GUCY1A2: variants seen among roughly 807,000 people sequenced by gnomAD.
GUCY1A2 encodes guanylate cyclase 1 soluble subunit alpha 2.
A neutral mutation model predicts 63.5 loss-of-function variants in GUCY1A2; 27 were observed. The ratio of observed to expected loss-of-function variants is 0.43; its 90% confidence interval spans 0.31 to 0.59. GUCY1A2 has a LOEUF of 0.59. GUCY1A2 is among the 20% of genes least tolerant of loss of function. The pLI, the probability that GUCY1A2 is intolerant of heterozygous loss-of-function variation, is 0.11. For synonymous variants in GUCY1A2, 364 were observed against 343.5 expected (o/e 1.06, Z -0.66); for missense variants, 768 against 913.3 (o/e 0.84, Z 2.05).
chr11:106,790,810 A>G lies in GUCY1A2; in HGVS notation c.1693-14228T>C, dbSNP rs147257442. 1.5e-3 allele frequency among the ~76,000 whole-genome samples: 225 copies of G among 151,614 alleles called. 1 individual carries two copies. The highest frequency in any genetic ancestry group is 5.2e-3 in the African/African-American group (215 of 41,266). ...TAGTGCCTGAAATGGGGGCCTCATG[A>G]CTCTGACTGGTGCCCTATCCTACTG... On this transcript the variant is annotated intron_variant, in intron 5 of 7. Coordinates refer to ENST00000526355, the MANE Select transcript of GUCY1A2 (RefSeq NM_000855.3).
intron 6 of GUCY1A2, among the ~76,000 whole-genome samples, chr11:106,768,772 C>T (rs1414961907): frequency 1.3e-5 from 2 of 152,214 alleles, no homozygotes; most frequent in East Asian, 1.9e-4. Context: ...TGCTTTTATC[C>T]TGTGGGCATC....
chr11:106,689,993 C>CAAAA (rs36069018), intron 7 of GUCY1A2, among the ~76,000 whole-genome samples: 1 of 106,846 alleles, frequency 9.4e-6, no homozygotes, highest in African/African-American at 3.4e-5. Flanking sequence ...GACTCAGTCT[C>CAAAA]AAAAAAAAAA....
chr11:106,895,090 A>G (rs562712987), intron 4 of GUCY1A2, among the ~76,000 whole-genome samples: 164 of 151,722 alleles, frequency 1.1e-3, no homozygotes, highest in Non-Finnish European at 1.8e-3. Context: ...CATTCTCTGG[A>G]CATTACAAGA....
intron 3 of GUCY1A2, among the ~76,000 whole-genome samples, chr11:106,968,315 C>G (rs1206665850): frequency 6.6e-6 from 1 of 152,088 alleles, no homozygotes; most frequent in Non-Finnish European, 1.5e-5. Context: ...AATGTAAGGT[C>G]CACTGATCTA....
rs1396494086 is a variant in GUCY1A2, at chr11:106,992,662, ATAAG to A, written c.304-6535_304-6532del. Among the ~76,000 whole-genome samples the A allele has an allele frequency of 2.6e-5, 4 of 152,274 alleles. No individual in the cohort carries two copies. In the South Asian group the frequency reaches 8.3e-4, roughly 32 times the overall value. ...GTCATCTCTTAGGAAACTGTCTTCA[ATAAG>A]TAAGTAGTTTTTTAATGTTACATAA... On this transcript the variant is annotated intron_variant, in intron 1 of 7. Coordinates refer to ENST00000526355, the MANE Select transcript of GUCY1A2 (RefSeq NM_000855.3).
At chr11:106,905,705 G>A (rs1017051029) in intron 4 of GUCY1A2, among the ~76,000 whole-genome samples, 2 of 152,052 alleles carry the variant, frequency 1.3e-5, no homozygotes, top group African/African-American at 4.8e-5. Context: ...AAGCACAAAG[G>A]AGGGCAGCTC....
chr11:106,800,885 A>T (rs80070976), intron 5 of GUCY1A2, among the ~76,000 whole-genome samples: 1 of 139,032 alleles, frequency 7.2e-6, no homozygotes, highest in Admixed American at 7.1e-5. Flanking sequence ...CTTAAAGTAT[A>T]AAAAAAAAAA....
intron 1 of GUCY1A2, among the ~76,000 whole-genome samples, chr11:106,995,803 T>A (rs1861526856): frequency 6.6e-6 from 1 of 152,194 alleles, no homozygotes; most frequent in African/African-American, 2.4e-5. Context: ...AATTAGTAAA[T>A]GCTGCAAAGC....
chr11:106,705,032 GA>G (rs1565262927), intron 7 of GUCY1A2, among the ~76,000 whole-genome samples: 1 of 151,806 alleles, frequency 6.6e-6, no homozygotes. Flanking sequence ...ATTTATTGAA[GA>G]AAAATGAAAA....
At chr11:106,792,169 C>T (rs897468804) in intron 5 of GUCY1A2, among the ~76,000 whole-genome samples, 5 of 151,920 alleles carry the variant, frequency 3.3e-5, no homozygotes, top group East Asian at 1.9e-4. Flanking sequence ...AGGCAGATCA[C>T]GAGGTCAGGA....
chr11:106,839,409 T>C (rs1354011876), intron 4 of GUCY1A2, among the ~76,000 whole-genome samples: 1 of 151,832 alleles, frequency 6.6e-6, no homozygotes, highest in Non-Finnish European at 1.5e-5. Flanking sequence ...ACACTGTTGG[T>C]GGGACCGTAA....
intron 3 of GUCY1A2, among the ~76,000 whole-genome samples, chr11:106,974,358 TAG>T (rs1565348071): frequency 6.6e-6 from 1 of 152,116 alleles, no homozygotes; most frequent in Non-Finnish European, 1.5e-5. Flanking sequence ...TTATATTATT[TAG>T]AGTTATTCCC....
chr11:106,921,769 A>T (rs570542454), intron 4 of GUCY1A2, among the ~76,000 whole-genome samples: 2 of 152,280 alleles, frequency 1.3e-5, no homozygotes, highest in South Asian at 4.1e-4. Context: ...AAGCAAAAAA[A>T]CAAACAAACC....
chr11:106,818,130 G>T (rs1005780207), intron 4 of GUCY1A2, among the ~76,000 whole-genome samples: 1 of 152,112 alleles, frequency 6.6e-6, no homozygotes, highest in East Asian at 1.9e-4. Context: ...ATGGATTGTG[G>T]TATATACAAG....
At chr11:106,924,953 G>A (rs538232337) in intron 4 of GUCY1A2, among the ~76,000 whole-genome samples, 1 of 152,212 alleles carries the variant, frequency 6.6e-6, no homozygotes, top group Admixed American at 6.5e-5. Flanking sequence ...GCTGCAGTGA[G>A]CCAAGATTAC....
At chr11:106,690,132 G>A (rs1591231386) in intron 7 of GUCY1A2, among the ~76,000 whole-genome samples, 1 of 152,238 alleles carries the variant, frequency 6.6e-6, no homozygotes, top group Admixed American at 6.5e-5. Flanking sequence ...AAGACCTAAA[G>A]ACAGAAATAC....
intron 5 of GUCY1A2, among the ~76,000 whole-genome samples, chr11:106,787,877 T>C (rs891890738): frequency 1.3e-5 from 2 of 152,090 alleles, no homozygotes; most frequent in Non-Finnish European, 2.9e-5. Flanking sequence ...ATATACTTAC[T>C]TCCCTTCTTT....
At chr11:106,833,153 TG>T (rs1394036701) in intron 4 of GUCY1A2, among the ~76,000 whole-genome samples, 8 of 152,076 alleles carry the variant, frequency 5.3e-5, no homozygotes, top group Non-Finnish European at 8.8e-5. Context: ...TTTCCCTTTT[TG>T]TAAGGACAGA....
At chr11:106,784,989 C>A (rs1378215655) in intron 5 of GUCY1A2, among the ~76,000 whole-genome samples, 2 of 152,190 alleles carry the variant, frequency 1.3e-5, no homozygotes, top group African/African-American at 4.8e-5. Flanking sequence ...TACACAGGCA[C>A]TTCAGAGAGA....
Sources: allele counts gnomAD v4.1 joint callset (sites outside exome capture counted in the v4.1 genomes callset), GRCh38; gene constraint gnomAD v4.1.1; transcripts MANE v1.5; gene names NCBI Gene and HGNC (gene_info 2026-07-23, HGNC 2026-07-21).